The following ATG13 variants were observed in gnomAD, a reference collection of about 807,000 sequenced individuals.
The protein encoded by ATG13 is autophagy related 13.
In ATG13, 23 loss-of-function variants were observed where a neutral mutation model predicts 65.5. That is an observed-to-expected ratio of 0.35 (90% CI 0.25 to 0.50). The LOEUF (loss-of-function observed/expected upper bound fraction) is 0.50, where lower values mean the gene tolerates loss of function less well. ATG13 is among the 20% of genes least tolerant of loss of function. The pLI is 0.98. For missense variants in ATG13, 566 were observed against 677.0 expected, an observed-to-expected ratio of 0.84 and a Z score of 1.82; for synonymous variants, 252 against 245.2, an observed-to-expected ratio of 1.03 and a Z score of -0.26.
intron 10 of ATG13, among the ~76,000 whole-genome samples, chr11:46,658,018 G>C (rs2060374856): frequency 6.6e-6 from 1 of 151,282 alleles, no homozygotes; most frequent in South Asian, 2.1e-4. Flanking sequence ...GCAGTGAGCT[G>C]AGATTGCACC....
At chr11:46,670,231 C>G (rs1287390061) in intron 18 of ATG13, among the ~76,000 whole-genome samples, 1 of 151,548 alleles carries the variant, frequency 6.6e-6, no homozygotes, top group Admixed American at 6.6e-5. Context: ...GCCTGTAATC[C>G]CAGCACTTTG....
intron 7 of ATG13, among the ~76,000 whole-genome samples, chr11:46,653,683 C>T (rs919020924): frequency 6.6e-6 from 1 of 151,978 alleles, no homozygotes; most frequent in African/African-American, 2.4e-5. Context: ...CATTCTCCTG[C>T]CTCAGCCTCC....
chr11:46,629,375 G>T (rs1326157481), intron 1 of ATG13, among the ~76,000 whole-genome samples: 1 of 152,026 alleles, frequency 6.6e-6, no homozygotes, highest in Non-Finnish European at 1.5e-5. Flanking sequence ...ATCTATTTGT[G>T]TTCACAAGGA....
In ATG13 at chr11:46,664,062, G is replaced by A. The variant is rs2137003985; in HGVS notation, c.855G>A (p.Arg285=). The change falls in exon 12 of 19, where the codon AGG becomes AGA. Residue 285 remains arginine, a synonymous_variant. Coordinates refer to ENST00000683050, the MANE Select transcript of ATG13 (RefSeq NM_001346311.2). ...TPTPVVTDTL[R]VPMAGLAFSH... ...CTCCTGTGGTGACGGACACCCTGAG[G>A]GTCCCCATGGCAGGACTGGCCTTTT... The A allele has an allele frequency of 6.3e-7, 1 of 1,597,496 alleles. No individual in the cohort carries two copies. Among genetic ancestry groups the A allele is most frequent in the Admixed American group, 1.7e-5 (1 of 59,814 alleles).
chr11:46,637,883 G>C (rs2136107514), intron 2 of ATG13, among the ~76,000 whole-genome samples: 1 of 152,300 alleles, frequency 6.6e-6, no homozygotes, highest in Middle Eastern at 3.4e-3. Flanking sequence ...TGATTGGTTA[G>C]GAGGTGCATA....
chr11:46,657,292 A>G (rs2060233598), intron 9 of ATG13, 101 bp downstream of exon 9: 33 of 1,148,816 alleles, frequency 2.9e-5, no homozygotes, highest in Non-Finnish European at 4.0e-5. Flanking sequence ...CTTTGCTGAA[A>G]GCAGTACCTT....
chr11:46,622,112 TATATATATA>T lies in ATG13; in HGVS notation c.-70+4223_-70+4231del, dbSNP rs1565398427. Reference sequence around the variant, plus strand: ...ATATATATATATATATATATATATATATATATATATATATATTTATTTTAGAGATGGTAT... The same window carrying T: ...ATATATATATATATATATATATATATTATATATTTATTTTAGAGATGGTAT... On this transcript the variant is annotated intron_variant, in intron 1 of 18. Coordinates refer to ENST00000683050, the MANE Select transcript of ATG13 (RefSeq NM_001346311.2). Among the ~76,000 whole-genome samples the T allele has an allele frequency of 1.4e-4, 12 of 86,130 alleles. 1 individual carries two copies. Among genetic ancestry groups the T allele is most frequent in the African/African-American group, 6.3e-4 (12 of 19,082 alleles). The allele number at this position is 86,130 out of a possible 152,430, so 56.5% of individuals were successfully genotyped here.
chr11:46,639,322 G>A (rs1303421370), intron 2 of ATG13, among the ~76,000 whole-genome samples: 2 of 152,090 alleles, frequency 1.3e-5, no homozygotes, highest in Non-Finnish European at 2.9e-5. Context: ...AGACATTTAG[G>A]GTGATTCTGT....
chr11:46,657,104 C>T lies in ATG13; in HGVS notation c.509C>T (p.Thr170Ile). ...QLSGLGEGFQ[T>I]VRVGTVGTPV... ...GTATCTCTTCTCCTAGGCTTCCAGA[C>T]AGTTCGTGTTGGGACAGTGGGCACC... Residue 170 changes from threonine to isoleucine, a missense_variant, in exon 9 of 19, where the codon ACA (threonine) becomes ATA (isoleucine). Around this residue, in one of 2 missense-constraint regions of ATG13, gnomAD observed 179 missense variants for 267.2 expected, o/e 0.67. Transcript: ENST00000683050. The T allele has an allele frequency of 6.2e-7, 1 of 1,613,732 alleles. No homozygotes were observed. Among genetic ancestry groups the T allele is most frequent in the Non-Finnish European group, 8.5e-7 (1 of 1,179,622 alleles).
chr11:46,669,756 C>T (rs1254017609), intron 18 of ATG13, among the ~76,000 whole-genome samples: 2 of 152,196 alleles, frequency 1.3e-5, no homozygotes, highest in Non-Finnish European at 2.9e-5. Context: ...CTCAGCATTA[C>T]TTACATGCTC....
intron 11 of ATG13, 160 bp downstream of exon 11, chr11:46,659,645 A>T: frequency 1.8e-6 from 1 of 569,808 alleles, no homozygotes; most frequent in Non-Finnish European, 3.1e-6. Flanking sequence ...TGTCCAGAAG[A>T]TAGTATTTCT....
chr11:46,669,572 T>G, intron 18 of ATG13, 40 bp downstream of exon 18: 2 of 1,607,924 alleles, frequency 1.2e-6, no homozygotes, highest in South Asian at 2.2e-5. Context: ...CATCCTTATT[T>G]GATGGTCATT....
At chr11:46,657,725 G>T in intron 10 of ATG13, 103 bp downstream of exon 10, 1 of 1,058,582 alleles carries the variant, frequency 9.4e-7, no homozygotes, top group Non-Finnish European at 1.4e-6. Flanking sequence ...TCTCCAGTGG[G>T]CAGGGGGCCA....
At position 46,669,542 on chromosome 11, in the gene ATG13, C is replaced by T. The variant is rs4074176; in HGVS notation, c.1575+10C>T. 1.3e-3 allele frequency: 2,157 copies of T among 1,613,608 alleles called. 29 individuals are homozygous for T. In the African/African-American group the frequency reaches 0.024, roughly 18 times the overall value. On this transcript the variant is annotated intron_variant, in intron 18 of 18. Transcript: ENST00000683050. Reference sequence around the variant, plus strand: ...CATGGCTGAAGACTTGGTATGGAAACGTCTTCCTCTACCACAGTGCATCCT... The same window carrying T: ...CATGGCTGAAGACTTGGTATGGAAATGTCTTCCTCTACCACAGTGCATCCT...
rs377673994 is a variant in ATG13 at position 46,619,866 on chromosome 11, A to G, written c.-70+1976A>G. The stretch of plus-strand genomic sequence containing the variant: ...AACAAGGTGAAACCCCGTCTCTACT[A>G]AAAATACAAAAAGTTAGCTGGACGT... On this transcript the variant is annotated intron_variant, in intron 1 of 18. Transcript: ENST00000683050. 6.5e-4 allele frequency among the ~76,000 whole-genome samples: 98 copies of G among 151,470 alleles called. 2 individuals carry two copies. The East Asian group carries it at 0.017, about 26-fold the overall frequency.
intron 1 of ATG13, 99 bp downstream of exon 1, chr11:46,617,989 A>C: frequency 2.5e-6 from 1 of 398,528 alleles, no homozygotes; most frequent in East Asian, 3.6e-5. Context: ...TGGAAGTAGA[A>C]GGGATTAGCC....
At chr11:46,665,958 C>T (rs2062254592) in intron 14 of ATG13, among the ~76,000 whole-genome samples, 1 of 151,826 alleles carries the variant, frequency 6.6e-6, no homozygotes, top group South Asian at 2.1e-4. Flanking sequence ...GCGCGTGCCA[C>T]CACACCTGGC....
In ATG13 at chr11:46,659,787, A is replaced by G. The variant is rs1243282610; in HGVS notation, c.789+302A>G. On this transcript the variant is annotated intron_variant, in intron 11 of 18. Transcript: ENST00000683050. ...ACACCAGAGATTTTGTCTAACTTAC[A>G]CTTGTTAACTTCATAGCTACTTCTC... is the stretch of plus-strand genomic sequence containing the variant. 3 of 251,030 alleles carry G rather than the reference A, an allele frequency of 1.2e-5. No homozygotes were observed. The East Asian group carries it at 2.7e-4, about 22-fold the overall frequency. 15.6% of individuals were successfully genotyped at this position (251,030 alleles called of 1,614,324 possible).
intron 10 of ATG13, among the ~76,000 whole-genome samples, chr11:46,658,211 C>T (rs2060423870): frequency 6.6e-6 from 1 of 152,166 alleles, no homozygotes; most frequent in Admixed American, 6.5e-5. Context: ...AATAAAATGT[C>T]TCCAGGTCTA....
Sources: gnomAD v4.1 joint callset for allele counts (sites outside exome capture counted in the v4.1 genomes callset) on GRCh38, gnomAD v4.1.1 for gene constraint, gnomAD v4.1.1 regional missense constraint, MANE v1.5 for transcripts, NCBI Gene and HGNC (gene_info 2026-07-23, HGNC 2026-07-21) for gene names.